Variants in SEPTIN12 observed in about 807,000 individuals in gnomAD.
SEPTIN12 encodes septin 12.
In SEPTIN12, 42 loss-of-function variants were observed where a neutral mutation model predicts 37.7. The observed-to-expected ratio is 1.11, with a 90% confidence interval of 0.87 to 1.44. The LOEUF is 1.44. Among genes scored for constraint, SEPTIN12 ranks in the 40% most tolerant of loss-of-function variants. The probability of loss-of-function intolerance (pLI) is 0.00; values close to 1 mark genes in which losing one functional copy is unlikely to be tolerated. For synonymous variants in SEPTIN12, 254 were observed against 196.7 expected, an observed-to-expected ratio of 1.29 and a Z score of -2.44; for missense variants, 613 against 479.2, an observed-to-expected ratio of 1.28 and a Z score of -2.61.
chr16:4,783,905 T>A, intron 5 of SEPTIN12, 26 bp downstream of exon 5: 1 of 1,613,778 alleles, frequency 6.2e-7, no homozygotes, highest in South Asian at 1.1e-5. Context: ...CAGGTGGTCC[T>A]CGCCTTGCAG....
intron 7 of SEPTIN12, among the ~76,000 whole-genome samples, chr16:4,782,675 C>T (rs2082384856): frequency 6.6e-6 from 1 of 152,020 alleles, no homozygotes; most frequent in African/African-American, 2.4e-5. Context: ...GCAATCTCGG[C>T]TCACCGTAAC....
Position 4,777,943 on chromosome 16 carries a change from G to T in SEPTIN12, c.931C>A (p.Arg311Ser). Reference sequence around the variant, plus strand: ...TGGCTTTCATTGAGTCTGATGACGCGGTAGTTCTCATAGTGGATGTTGTGG... The same window carrying T: ...TGGCTTTCATTGAGTCTGATGACGCTGTAGTTCTCATAGTGGATGTTGTGG... ...ITHNIHYENY[R>S]VIRLNESHLL... Residue 311 changes from arginine (R) to serine (S), a missense_variant, in exon 10 of 10, where the codon CGC (arginine) becomes AGC (serine). Physicochemically the swap from Arg to Ser is moderately radical, Grantham distance 110. Transcript: ENST00000268231. The T allele has an allele frequency of 6.2e-7, 1 of 1,609,486 alleles. No homozygotes were observed. The highest frequency in any genetic ancestry group is 8.5e-7 in the Non-Finnish European group (1 of 1,178,136).
upstream of SEPTIN12, among the ~76,000 whole-genome samples, chr16:4,790,351 C>T (rs751630839): frequency 3.9e-5 from 6 of 152,156 alleles, no homozygotes; most frequent in East Asian, 1.9e-4. Context: ...TAAGTAAAAC[C>T]GTATTCACAG....
At chr16:4,791,327 T>C (rs1479976099), upstream of SEPTIN12, among the ~76,000 whole-genome samples, 1 of 152,060 alleles carries the variant, frequency 6.6e-6, no homozygotes, top group East Asian at 1.9e-4. Context: ...AGCGTGACTA[T>C]GGTGGAAGAG....
intron 2 of SEPTIN12, among the ~76,000 whole-genome samples, chr16:4,786,714 C>G (rs924056685): frequency 4.6e-5 from 7 of 151,914 alleles, no homozygotes; most frequent in Admixed American, 1.3e-4. Context: ...CTCAAGTGAT[C>G]GCAGCTCACT....
At chr16:4,790,978 T>A (rs957998737), upstream of SEPTIN12, among the ~76,000 whole-genome samples, 1 of 152,130 alleles carries the variant, frequency 6.6e-6, no homozygotes, top group Non-Finnish European at 1.5e-5. Flanking sequence ...CGGGGGCCTC[T>A]CCCATAAGCA....
In SEPTIN12 at chr16:4,783,650, C is replaced by G; in HGVS notation, c.629G>C (p.Arg210Thr). The G allele has an allele frequency of 6.2e-7, 1 of 1,613,910 alleles. No individual in the cohort carries two copies. Among genetic ancestry groups the G allele is most frequent in the Non-Finnish European group, 8.5e-7 (1 of 1,179,908 alleles). The change falls in exon 6 of 10, where the codon AGG (arginine) becomes ACG (threonine). Residue 210 changes from arginine to threonine, a missense_variant and splice_region_variant. Coordinates refer to ENST00000268231, the MANE Select transcript of SEPTIN12 (RefSeq NM_144605.5). Reference sequence around the variant, plus strand: ...GCCCTGCCCGGGCATCCAGATCACCCTGCGCCTGAAGGCCTCTCGCTCCTC... The same window carrying G: ...GCCCTGCCCGGGCATCCAGATCACCGTGCGCCTGAAGGCCTCTCGCTCCTC... Reference protein sequence around the residue: ...TMEEREAFRRRIQQNLRTHCI... With the variant: ...TMEEREAFRRTIQQNLRTHCI...
intron 2 of SEPTIN12, 110 bp from the exon 3 acceptor site, chr16:4,786,215 C>T (rs959786121): frequency 7.2e-7 from 1 of 1,394,892 alleles, no homozygotes; most frequent in Non-Finnish European, 9.6e-7. Context: ...ACTCTGTCAC[C>T]CAGGCTGGAG....
upstream of SEPTIN12, chr16:4,788,412 C>CT (rs1043313197): frequency 6.6e-6 from 1 of 152,610 alleles, no homozygotes; most frequent in African/African-American, 2.4e-5. Flanking sequence ...TGCTGTGACC[C>CT]CCACCTGGAG....
At chr16:4,782,874 G>T (rs1300113793) in intron 7 of SEPTIN12, among the ~76,000 whole-genome samples, 1 of 150,688 alleles carries the variant, frequency 6.6e-6, no homozygotes, top group African/African-American at 2.4e-5. Flanking sequence ...CAAAGTGCAG[G>T]GATTACAGGG....
At chr16:4,790,826 AT>A (rs1347813067), upstream of SEPTIN12, among the ~76,000 whole-genome samples, 1 of 152,188 alleles carries the variant, frequency 6.6e-6, no homozygotes, top group African/African-American at 2.4e-5. Flanking sequence ...AAGTAAATAA[AT>A]AAAGGCTTAG....
chr16:4,787,351 TG>T, intron 2 of SEPTIN12, 128 bp downstream of exon 2: 1 of 841,782 alleles, frequency 1.2e-6, no homozygotes, highest in Non-Finnish European at 2.0e-6. Context: ...ACAACATCCC[TG>T]TGAGGTGCTA....
At chr16:4,780,661 T>C (rs2082362687) in intron 7 of SEPTIN12, among the ~76,000 whole-genome samples, 1 of 152,194 alleles carries the variant, frequency 6.6e-6, no homozygotes, top group Non-Finnish European at 1.5e-5. Context: ...TACTTCTGAA[T>C]TCATCTGTGA....
upstream of SEPTIN12, among the ~76,000 whole-genome samples, chr16:4,789,082 G>A (rs190045999): frequency 2.0e-5 from 3 of 152,292 alleles, no homozygotes; most frequent in South Asian, 2.1e-4. Flanking sequence ...GCAGTGGCGC[G>A]ATCTCGGCTC....
At position 4,777,697 on chromosome 16, in the gene SEPTIN12, A is replaced by AAAAGC. The variant is rs1275877735; in HGVS notation, c.*95_*99dup. On this transcript the variant is annotated 3_prime_UTR_variant, in exon 10 of 10. Coordinates refer to ENST00000268231, the MANE Select transcript of SEPTIN12 (RefSeq NM_144605.5). ...TGTTTTCAAAGCACAGCTTTTCATA[A>AAAAGC]AAAGCAAGGCTCACATTTAATAGAT... The AAAAGC allele has an allele frequency of 1.1e-6, 1 of 922,406 alleles. No homozygotes were observed. Among genetic ancestry groups the AAAAGC allele is most frequent in the Non-Finnish European group, 1.6e-6 (1 of 625,006 alleles). The allele number at this position is 922,406 out of a possible 1,614,324, so 57.1% of individuals were successfully genotyped here.
chr16:4,783,867 G>T, intron 5 of SEPTIN12, 64 bp downstream of exon 5: 1 of 1,607,876 alleles, frequency 6.2e-7, no homozygotes, highest in South Asian at 1.1e-5. Context: ...CCATGGTGGG[G>T]ACCCCTTCTC....
At chr16:4,783,101 G>A (rs1477946711) in intron 7 of SEPTIN12, among the ~76,000 whole-genome samples, 3 of 151,180 alleles carry the variant, frequency 2.0e-5, no homozygotes, top group Non-Finnish European at 1.5e-5. Context: ...CAGAGACAAG[G>A]TTTCACCATG....
intron 1 of SEPTIN12, chr16:4,788,019 G>A (rs1163893179): frequency 1.4e-5 from 3 of 220,772 alleles, no homozygotes; most frequent in Admixed American, 1.0e-4. Context: ...GAGTCCTGGA[G>A]GGGCTTCAGG....
chr16:4,784,050 GC>G lies in SEPTIN12; in HGVS notation c.392del (p.Gly131AlafsTer57), dbSNP rs1032084495. 7 of 1,614,164 alleles carry G rather than the reference GC, an allele frequency of 4.3e-6. No homozygotes were observed. The highest frequency in any genetic ancestry group is 5.9e-6 in the Non-Finnish European group (7 of 1,180,008). Reference sequence around the variant, plus strand: ...ACTGCTCGTATTGCTCGTTGATGTAGCCCAGGATGGGGTCCCAGCTGAGGCG... The same window carrying G: ...ACTGCTCGTATTGCTCGTTGATGTAGCCAGGATGGGGTCCCAGCTGAGGCG... ...NNDNCWDPIL[G>X]YINEQYEQYL... On this transcript the variant is annotated frameshift_variant, in exon 5 of 10. Coordinates refer to ENST00000268231, the MANE Select transcript of SEPTIN12 (RefSeq NM_144605.5). LOFTEE classifies it high-confidence loss of function.
Sources: gnomAD v4.1 joint callset for allele counts (sites outside exome capture counted in the v4.1 genomes callset) on GRCh38, gnomAD v4.1.1 for gene constraint, MANE v1.5 for transcripts, NCBI Gene and HGNC (gene_info 2026-07-23, HGNC 2026-07-21) for gene names.